The following DPYSL2 variants were observed in gnomAD, a reference collection of about 807,000 sequenced individuals.
The protein encoded by DPYSL2 is dihydropyrimidinase-related protein 2.
Under a neutral mutation model 69.9 loss-of-function variants are expected in DPYSL2, and 13 were observed. That is an observed-to-expected ratio of 0.19 (90% CI 0.12 to 0.30). The LOEUF (loss-of-function observed/expected upper bound fraction) is 0.30. Ranked by LOEUF, DPYSL2 falls within the 10% of genes least tolerant of loss-of-function variation. The probability of loss-of-function intolerance (pLI) is 1.00; values close to 1 mark genes in which losing one functional copy is unlikely to be tolerated. For missense variants in DPYSL2, 587 were observed against 918.9 expected (o/e 0.64, Z 4.67); for synonymous variants, 326 against 359.1 (o/e 0.91, Z 1.04).
chr8:26,652,728 G>A lies in DPYSL2; in HGVS notation c.1776+292G>A, dbSNP rs1803302617. On this transcript the variant is annotated intron_variant, in intron 12 of 13. Transcript: ENST00000521913. The surrounding 1 kb of genome is among the most constrained non-coding windows in gnomAD (Gnocchi z 6.3). ...GTAGTTGGGGAGAGTGTCATGGGGA[G>A]AGGACATTTTGAGTTGGGCTTTGAA... Among the ~76,000 whole-genome samples, 1 of 152,160 alleles carries A rather than the reference G, an allele frequency of 6.6e-6. No homozygotes were observed. The highest frequency in any genetic ancestry group is 2.4e-5 in the African/African-American group (1 of 41,436).
chr8:26,627,106 AG>A lies in DPYSL2; in HGVS notation c.856-107del, dbSNP rs1802636645. ...AAAAGTCAGGCTAATAGAATCGCCT[AG>A]GTGTCCTGTTTCTCATCCCAGAAAT... On this transcript the variant is annotated intron_variant, in intron 5 of 13. Transcript: ENST00000521913. The surrounding 1 kb of genome is among the most constrained non-coding windows in gnomAD (Gnocchi z 6.9). 8 of 992,490 alleles carry A rather than the reference AG, an allele frequency of 8.1e-6. No homozygotes were observed. The South Asian group carries it at 1.1e-4, about 14-fold the overall frequency. 61.5% of individuals were successfully genotyped at this position (992,490 alleles called of 1,614,324 possible).
chr8:26,561,148 A>G (rs1278766314), intron 1 of DPYSL2, among the ~76,000 whole-genome samples: 1 of 152,032 alleles, frequency 6.6e-6, no homozygotes, highest in Non-Finnish European at 1.5e-5. Flanking sequence ...TGCCCATCGG[A>G]TGTGGGAGTG....
chr8:26,583,670 C>T lies in DPYSL2; in HGVS notation c.444-129C>T, dbSNP rs866665212. ...GAGTATATAGTGTTTTATTATGAAT[C>T]GTAACAATGATCTGAAAAGCCCACG... On this transcript the variant is annotated intron_variant, in intron 2 of 13. Coordinates refer to ENST00000521913, the MANE Select transcript of DPYSL2 (RefSeq NM_001197293.3). 6.9e-5 allele frequency: 57 copies of T among 823,138 alleles called. 1 individual carries two copies. In the South Asian group the frequency reaches 7.3e-4, roughly 11 times the overall value. 51.0% of individuals were successfully genotyped at this position (823,138 alleles called of 1,614,324 possible).
chr8:26,636,339 C>T (rs984626697), intron 8 of DPYSL2, among the ~76,000 whole-genome samples: 8 of 152,202 alleles, frequency 5.3e-5, no homozygotes, highest in African/African-American at 1.7e-4. Flanking sequence ...CCGGCCACAG[C>T]ACTGCTGCCC....
chr8:26,526,546 C>A (rs1263789999), intron 1 of DPYSL2, among the ~76,000 whole-genome samples: 2 of 152,202 alleles, frequency 1.3e-5, no homozygotes, highest in African/African-American at 4.8e-5. Flanking sequence ...TATTTCTCTT[C>A]CTTGTCTGAT....
intron 7 of DPYSL2, among the ~76,000 whole-genome samples, chr8:26,631,028 C>T (rs147782703): frequency 1.2e-3 from 176 of 152,308 alleles, no homozygotes; most frequent in African/African-American, 1.8e-3. Context: ...CCTGCTGAGA[C>T]CCTCACTCTT....
chr8:26,575,970 G>A (rs1801320699), intron 1 of DPYSL2, among the ~76,000 whole-genome samples: 1 of 152,178 alleles, frequency 6.6e-6, no homozygotes, highest in Admixed American at 6.5e-5. Flanking sequence ...CGTATTTTAA[G>A]CTTTCTCAGA....
intron 1 of DPYSL2, among the ~76,000 whole-genome samples, chr8:26,529,677 T>C (rs984171629): frequency 1.3e-5 from 2 of 151,816 alleles, no homozygotes; most frequent in Non-Finnish European, 2.9e-5. Context: ...CTAAAACCAA[T>C]GGAGTCCAAA....
intron 1 of DPYSL2, among the ~76,000 whole-genome samples, chr8:26,570,111 G>A (rs1801213827): frequency 6.6e-6 from 1 of 152,196 alleles, no homozygotes; most frequent in Non-Finnish European, 1.5e-5. Flanking sequence ...TTTTATTTAT[G>A]CAAGCAGCCT....
In DPYSL2 at chr8:26,624,178, C is replaced by G. The variant is rs1300413467; in HGVS notation, c.664C>G (p.Leu222Val). 12 of 1,614,076 alleles carry G rather than the reference C, an allele frequency of 7.4e-6. No individual in the cohort carries two copies. The highest frequency in any genetic ancestry group is 1.0e-5 in the Non-Finnish European group (12 of 1,180,054). Residue 222 changes from leucine to valine, a missense_variant, in exon 4 of 14, where the codon CTC becomes GTC. Transcript: ENST00000521913. This position sits in a 1 kb window ranked among gnomAD's most constrained non-coding sequence, Gnocchi z 4.7. ...TGTTCCTGAGCCTGGGACAAGCCTGCTCGCTGCCTTTGACCAGTGGAGGGA... is the reference window on the plus strand; with the variant it reads ...TGTTCCTGAGCCTGGGACAAGCCTGGTCGCTGCCTTTGACCAGTGGAGGGA... ...HVVPEPGTSL[L>V]AAFDQWREWA... is the part of the protein sequence containing the mutation.
chr8:26,540,721 C>T (rs1035085431), intron 1 of DPYSL2, among the ~76,000 whole-genome samples: 9 of 152,094 alleles, frequency 5.9e-5, no homozygotes, highest in Non-Finnish European at 1.0e-4. Flanking sequence ...GCCTGGCTAA[C>T]ATGGTGAAAT....
rs1803377240 is a variant in DPYSL2 at position 26,655,886 on chromosome 8, G to C, written c.*180G>C. 1 of 490,708 alleles carries C rather than the reference G, an allele frequency of 2.0e-6. No homozygotes were observed. The highest frequency in any genetic ancestry group is 4.8e-5 in the South Asian group (1 of 20,708). The allele number at this position is 490,708 out of a possible 1,614,324, so 30.4% of individuals were successfully genotyped here. A position where few individuals can be genotyped will look rare whatever the true frequency, so the allele number is the denominator to read the frequency against. On this transcript the variant is annotated 3_prime_UTR_variant, in exon 14 of 14. Transcript: ENST00000521913. Reference sequence around the variant, plus strand: ...GGCCCCACACCCCGTCTCTCACCAAGAGTTACTGATTTTGCTCATCCACTT... The same window carrying C: ...GGCCCCACACCCCGTCTCTCACCAACAGTTACTGATTTTGCTCATCCACTT...
In DPYSL2 at chr8:26,590,142, C is replaced by T. The variant is rs79657777; in HGVS notation, c.628+6159C>T. Among the ~76,000 whole-genome samples the T allele has an allele frequency of 2.0e-5, 3 of 152,354 alleles. No individual in the cohort carries two copies. In the East Asian group the frequency reaches 5.8e-4, roughly 29 times the overall value. On this transcript the variant is annotated intron_variant, in intron 3 of 13. Transcript: ENST00000521913. ...TACTTTGATTATTCCCTTTGCAGCA[C>T]TCATTTGACTCGGGTTAGAAAGTGT... is the stretch of plus-strand genomic sequence containing the variant.
At chr8:26,521,475 CTT>C (rs34109742) in intron 1 of DPYSL2, among the ~76,000 whole-genome samples, 182 of 148,136 alleles carry the variant, frequency 1.2e-3, no homozygotes, top group African/African-American at 3.1e-3. Context: ...CATGGCTGTT[CTT>C]TTTTTTTTTT....
chr8:26,626,530 CACAG>C lies in DPYSL2; in HGVS notation c.794-82_794-79del, dbSNP rs1802617971. 2 of 1,183,910 alleles carry C rather than the reference CACAG, an allele frequency of 1.7e-6. No individual in the cohort carries two copies. The highest frequency in any genetic ancestry group is 1.7e-5 in the Admixed American group (1 of 57,520). The allele number at this position is 1,183,910 out of a possible 1,614,324, so 73.3% of individuals were successfully genotyped here. A position where few individuals can be genotyped will look rare whatever the true frequency, so the allele number is the denominator to read the frequency against. On this transcript the variant is annotated intron_variant, in intron 4 of 13. Coordinates refer to ENST00000521913, the MANE Select transcript of DPYSL2 (RefSeq NM_001197293.3). The surrounding 1 kb of genome is among the most constrained non-coding windows in gnomAD (Gnocchi z 4.3). ...ACACACACACACACACACGTACACA[CACAG>C]ACAGTATTATCACTTTCTTATCCCT...
At chr8:26,523,916 AT>A (rs1808432854) in intron 1 of DPYSL2, among the ~76,000 whole-genome samples, 1 of 152,114 alleles carries the variant, frequency 6.6e-6, no homozygotes, top group Admixed American at 6.5e-5. Flanking sequence ...TTATTTGTTC[AT>A]TTTTCATCAG....
At chr8:26,552,620 T>C (rs1314992985) in intron 1 of DPYSL2, among the ~76,000 whole-genome samples, 1 of 152,182 alleles carries the variant, frequency 6.6e-6, no homozygotes, top group Non-Finnish European at 1.5e-5. Flanking sequence ...TTCTGGCCGG[T>C]GGGTCTTCTC....
rs71553809 is a variant in DPYSL2, at chr8:26,586,102, C to CAA, written c.628+2127_628+2128dup. Among the ~76,000 whole-genome samples the CAA allele has an allele frequency of 8.6e-5, 13 of 150,444 alleles. No individual in the cohort carries two copies. Among genetic ancestry groups the CAA allele is most frequent in the East Asian group, 3.9e-4 (2 of 5,102 alleles). The stretch of plus-strand genomic sequence containing the variant: ...TGAGCAATAGAGTGAGACTCCGTCT[C>CAA]AAAAAAAAACAAACAAAAAAATTCT... On this transcript the variant is annotated intron_variant, in intron 3 of 13. Coordinates refer to ENST00000521913, the MANE Select transcript of DPYSL2 (RefSeq NM_001197293.3). This position sits in a 1 kb window ranked among gnomAD's most constrained non-coding sequence, Gnocchi z 4.7.
At position 26,648,134 on chromosome 8, in the gene DPYSL2, C is replaced by A. The variant is rs1180059142; in HGVS notation, c.1596+334C>A. Among the ~76,000 whole-genome samples the A allele has an allele frequency of 1.3e-5, 2 of 152,160 alleles. No individual in the cohort carries two copies. Among genetic ancestry groups the A allele is most frequent in the African/African-American group, 4.8e-5 (2 of 41,422 alleles). On this transcript the variant is annotated intron_variant, in intron 11 of 13. Transcript: ENST00000521913. This position sits in a 1 kb window ranked among gnomAD's most constrained non-coding sequence, Gnocchi z 4.3. ...TAGGTTGGCACAGCACTTCTCATGG[C>A]AGTACTTGGTGCAAGGGACCTCAAT... is the stretch of plus-strand genomic sequence containing the variant.
Sources: gnomAD v4.1 joint callset for allele counts (sites outside exome capture counted in the v4.1 genomes callset) on GRCh38, gnomAD v4.1.1 for gene constraint, Gnocchi (gnomAD v3.1) non-coding constraint, MANE v1.5 for transcripts, NCBI Gene and HGNC (gene_info 2026-07-23, HGNC 2026-07-21) for gene names.